Variants in PDE4D observed in about 807,000 individuals in gnomAD.
PDE4D encodes phosphodiesterase 4D.
A neutral mutation model predicts 87.4 loss-of-function variants in PDE4D; 24 were observed. That is an observed-to-expected ratio of 0.27 (90% CI 0.20 to 0.39). The LOEUF (loss-of-function observed/expected upper bound fraction) is 0.39, where lower values mean the gene tolerates loss of function less well. Among genes scored for constraint, PDE4D ranks in the 10% least tolerant of loss-of-function variants. PDE4D has a pLI of 1.00. For synonymous variants in PDE4D, 384 were observed against 383.2 expected, an observed-to-expected ratio of 1.00 and a Z score of -0.02; for missense variants, 714 against 1,041.0, an observed-to-expected ratio of 0.69 and a Z score of 4.32.
chr5:60,148,818 T>A (rs547548127), intron 2 of PDE4D, among the ~76,000 whole-genome samples: 1 of 151,950 alleles, frequency 6.6e-6, no homozygotes, highest in Non-Finnish European at 1.5e-5. Context: ...ATTCAAAGAG[T>A]TTTGAATAGA....
At chr5:59,098,218 T>C (rs1770090047) in intron 5 of PDE4D, among the ~76,000 whole-genome samples, 1 of 152,202 alleles carries the variant, frequency 6.6e-6, no homozygotes, top group Non-Finnish European at 1.5e-5. Context: ...GTAAATTGTG[T>C]TGAAACTCTA....
chr5:59,105,404 G>C (rs1488205872), intron 5 of PDE4D, among the ~76,000 whole-genome samples: 14 of 152,072 alleles, frequency 9.2e-5, no homozygotes, highest in Non-Finnish European at 1.5e-5. Context: ...GAAAAACATA[G>C]ACACTAAAAC....
At chr5:59,748,436 T>G (rs1325779284) in intron 1 of PDE4D, among the ~76,000 whole-genome samples, 1 of 152,034 alleles carries the variant, frequency 6.6e-6, no homozygotes, top group East Asian at 1.9e-4. Flanking sequence ...ATTAAGAAAA[T>G]GTGGCACATA....
upstream of PDE4D, among the ~76,000 whole-genome samples, chr5:59,897,584 A>G (rs1751792163): frequency 6.6e-6 from 1 of 152,028 alleles, no homozygotes; most frequent in Admixed American, 6.6e-5. Flanking sequence ...TATTTCTCCT[A>G]ATGCTATCCC....
rs572252229 is a variant in PDE4D, at chr5:59,339,949, T to TA, written c.456-123982dup. On this transcript the variant is annotated intron_variant, in intron 1 of 14. Coordinates refer to ENST00000340635, the MANE Select transcript of PDE4D (RefSeq NM_001104631.2). ...TTTTGTTGTTTTGTTTTGTTTTGTT[T>TA]AAAAAAAAAAAAGCAATTCTCATTG... is the stretch of plus-strand genomic sequence containing the variant. Among the ~76,000 whole-genome samples, 212 of 144,986 alleles carry TA rather than the reference T, an allele frequency of 1.5e-3. 1 individual carries two copies. Among genetic ancestry groups the TA allele is most frequent in the African/African-American group, 3.4e-3 (136 of 39,744 alleles).
chr5:59,449,388 A>T (rs974551159), intron 1 of PDE4D, among the ~76,000 whole-genome samples: 1 of 152,250 alleles, frequency 6.6e-6, no homozygotes, highest in African/African-American at 2.4e-5. Context: ...TTAAGCAGAT[A>T]TAGTTTTTCT....
chr5:59,343,825 A>G (rs907350918), intron 1 of PDE4D, among the ~76,000 whole-genome samples: 3 of 152,180 alleles, frequency 2.0e-5, no homozygotes, highest in African/African-American at 7.2e-5. Context: ...TTGAGGACCC[A>G]TGAAGTTAAG....
At chr5:59,534,948 T>A (rs757489353) in intron 1 of PDE4D, among the ~76,000 whole-genome samples, 12 of 152,070 alleles carry the variant, frequency 7.9e-5, no homozygotes, top group Non-Finnish European at 1.6e-4. Context: ...GGAAACAAGG[T>A]AAAATCTTGG....
intron 2 of PDE4D, among the ~76,000 whole-genome samples, chr5:60,094,446 C>G (rs568397489): frequency 6.6e-6 from 1 of 152,062 alleles, no homozygotes; most frequent in Non-Finnish European, 1.5e-5. Flanking sequence ...TGCTTTGGGT[C>G]TCCCCAGAAT....
At chr5:59,723,058 C>A (rs1434975747) in intron 1 of PDE4D, among the ~76,000 whole-genome samples, 1 of 152,022 alleles carries the variant, frequency 6.6e-6, no homozygotes, top group Non-Finnish European at 1.5e-5. Context: ...ATGTGACTCA[C>A]CTCTGTGTCA....
chr5:60,331,170 A>C (rs1482916864), intron 1 of PDE4D, among the ~76,000 whole-genome samples: 1 of 152,198 alleles, frequency 6.6e-6, no homozygotes, highest in Non-Finnish European at 1.5e-5. Flanking sequence ...AAGGTAGAAA[A>C]ATACATGCAC....
intron 1 of PDE4D, among the ~76,000 whole-genome samples, chr5:59,716,119 G>A (rs535912692): frequency 1.6e-4 from 24 of 152,186 alleles, no homozygotes; most frequent in Non-Finnish European, 2.6e-4. Context: ...AAAATAGGCC[G>A]AAGCAGACAT....
At chr5:59,306,940 C>T (rs11954898) in intron 1 of PDE4D, among the ~76,000 whole-genome samples, 3,148 of 93,256 alleles carry the variant, frequency 0.034, 65 homozygotes, top group East Asian at 0.095. Flanking sequence ...GGAGGCATCA[C>T]GCTACCTGAC....
At chr5:59,458,682 A>G (rs533947856) in intron 1 of PDE4D, among the ~76,000 whole-genome samples, 1 of 152,380 alleles carries the variant, frequency 6.6e-6, no homozygotes, top group African/African-American at 2.4e-5. Flanking sequence ...GTTAACCTAC[A>G]ACGATTTCTG....
intron 1 of PDE4D, among the ~76,000 whole-genome samples, chr5:59,648,862 C>A (rs1366461374): frequency 1.3e-5 from 2 of 152,116 alleles, no homozygotes; most frequent in Non-Finnish European, 2.9e-5. Flanking sequence ...GGCAGGGAAA[C>A]AATTCATTAC....
intron 1 of PDE4D, among the ~76,000 whole-genome samples, chr5:59,521,905 A>G (rs1812318877): frequency 6.6e-6 from 1 of 152,238 alleles, no homozygotes; most frequent in African/African-American, 2.4e-5. Flanking sequence ...TGAAGGTTGA[A>G]TGTTTACTAT....
intron 1 of PDE4D, among the ~76,000 whole-genome samples, chr5:60,398,818 T>C (rs1314849054): frequency 6.6e-6 from 1 of 152,100 alleles, no homozygotes. Context: ...ACTGCCCTTT[T>C]TCAAATGAGA....
chr5:59,745,922 ATTTG>A (rs1395924078), intron 1 of PDE4D, among the ~76,000 whole-genome samples: 2 of 152,162 alleles, frequency 1.3e-5, no homozygotes, highest in Non-Finnish European at 2.9e-5. Context: ...TACATTTCAT[ATTTG>A]TTTTATTAAC....
intron 1 of PDE4D, among the ~76,000 whole-genome samples, chr5:59,233,283 T>A (rs1323701471): frequency 6.6e-6 from 1 of 152,222 alleles, no homozygotes. Flanking sequence ...CCCATTATCC[T>A]ATGTACAAAT....
Sources: allele counts gnomAD v4.1 joint callset (sites outside exome capture counted in the v4.1 genomes callset), GRCh38; gene constraint gnomAD v4.1.1; transcripts MANE v1.5; gene names NCBI Gene and HGNC (gene_info 2026-07-23, HGNC 2026-07-21).